Variants in GRM1 observed in about 807,000 individuals in gnomAD.
GRM1 encodes the protein metabotropic glutamate receptor 1.
In GRM1, 33 loss-of-function variants were observed where a neutral mutation model predicts 90.9. That is an observed-to-expected ratio of 0.36 (90% CI 0.28 to 0.49). GRM1 has a LOEUF of 0.49. GRM1 is among the 20% of genes least tolerant of loss of function. GRM1 has a pLI of 0.99. For missense variants in GRM1, 1,190 were observed against 1,534.3 expected, an observed-to-expected ratio of 0.78 and a Z score of 3.75; for synonymous variants, 700 against 613.2, an observed-to-expected ratio of 1.14 and a Z score of -2.09.
chr6:146,230,922 A>G (rs890598636), intron 2 of GRM1, among the ~76,000 whole-genome samples: 2 of 152,186 alleles, frequency 1.3e-5, no homozygotes, highest in African/African-American at 4.8e-5. Context: ...ACTACATACT[A>G]TATAATTCCA....
At chr6:146,336,532 G>T (rs115401794) in intron 3 of GRM1, among the ~76,000 whole-genome samples, 7 of 152,126 alleles carry the variant, frequency 4.6e-5, no homozygotes, top group South Asian at 2.1e-4. Flanking sequence ...TTTCCTGTTC[G>T]CCTGAGAGCA....
chr6:146,104,229 A>G (rs528620922), intron 1 of GRM1, among the ~76,000 whole-genome samples: 36 of 152,276 alleles, frequency 2.4e-4, no homozygotes, highest in Non-Finnish European at 3.5e-4. Flanking sequence ...TCACGAGGTC[A>G]GGAGATTGAG....
intron 2 of GRM1, among the ~76,000 whole-genome samples, chr6:146,243,414 T>G (rs1420182551): frequency 6.6e-6 from 1 of 152,130 alleles, no homozygotes; most frequent in Non-Finnish European, 1.5e-5. Flanking sequence ...TGGAATGTTC[T>G]TGTGTCTGCC....
Position 146,435,357 on chromosome 6 carries a change from T to C in GRM1, c.*561T>C. ...GCAGCTCCTTGCTCAGAAGCCCTTC[T>C]CCCCGCTGGGCTGACAGACTCCTCA... On this transcript the variant is annotated 3_prime_UTR_variant, in exon 8 of 8. Coordinates refer to ENST00000282753, the MANE Select transcript of GRM1 (RefSeq NM_001278064.2). 1 of 189,602 alleles carries C rather than the reference T, an allele frequency of 5.3e-6. No individual in the cohort carries two copies. The highest frequency in any genetic ancestry group is 1.1e-5 in the Non-Finnish European group (1 of 91,082). 11.7% of individuals were successfully genotyped at this position (189,602 alleles called of 1,614,324 possible).
intron 1 of GRM1, among the ~76,000 whole-genome samples, chr6:146,140,893 A>T (rs1047993406): frequency 1.3e-5 from 2 of 152,182 alleles, no homozygotes; most frequent in African/African-American, 2.4e-5. Flanking sequence ...TCTACCTAAG[A>T]TGTGAGTCGT....
intron 1 of GRM1, among the ~76,000 whole-genome samples, chr6:146,110,255 G>A (rs1010264170): frequency 1.3e-5 from 2 of 152,128 alleles, no homozygotes; most frequent in African/African-American, 4.8e-5. Flanking sequence ...GTCGTGGGAG[G>A]AACCTGGTGG....
At chr6:146,285,116 T>C (rs1321691833) in intron 2 of GRM1, among the ~76,000 whole-genome samples, 1 of 152,202 alleles carries the variant, frequency 6.6e-6, no homozygotes, top group East Asian at 1.9e-4. Context: ...TATTGGATTC[T>C]TGAATTTCCT....
At chr6:146,135,267 C>G (rs1378601375) in intron 1 of GRM1, among the ~76,000 whole-genome samples, 3 of 152,152 alleles carry the variant, frequency 2.0e-5, no homozygotes, top group African/African-American at 7.2e-5. Flanking sequence ...AATTTGAGCC[C>G]AGGACTCTCT....
At chr6:146,260,232 A>T (rs1376309356) in intron 2 of GRM1, among the ~76,000 whole-genome samples, 1 of 151,592 alleles carries the variant, frequency 6.6e-6, no homozygotes, top group Non-Finnish European at 1.5e-5. Context: ...ATTCCCACTT[A>T]TGAGTGAGAA....
chr6:146,200,449 C>T (rs1164571655), intron 2 of GRM1, among the ~76,000 whole-genome samples: 1 of 152,176 alleles, frequency 6.6e-6, no homozygotes, highest in Admixed American at 6.5e-5. Context: ...CGTATTCCCC[C>T]ATACATTTTT....
At chr6:146,205,052 T>C (rs544401201) in intron 2 of GRM1, among the ~76,000 whole-genome samples, 1 of 152,368 alleles carries the variant, frequency 6.6e-6, no homozygotes, top group South Asian at 2.1e-4. Flanking sequence ...AAATGTCCAA[T>C]GACTTCATTT....
intron 2 of GRM1, among the ~76,000 whole-genome samples, chr6:146,268,988 T>C (rs1006705444): frequency 4.6e-5 from 7 of 152,116 alleles, no homozygotes; most frequent in African/African-American, 1.7e-4. Context: ...CCAAGAACAT[T>C]GAATAGAAAA....
chr6:146,212,480 G>A (rs2114650032), intron 2 of GRM1, among the ~76,000 whole-genome samples: 1 of 152,242 alleles, frequency 6.6e-6, no homozygotes. Flanking sequence ...AAATCTCTGA[G>A]TTATCTAAAC....
intron 1 of GRM1, among the ~76,000 whole-genome samples, chr6:146,104,480 G>A (rs1777158879): frequency 6.6e-6 from 1 of 152,044 alleles, no homozygotes; most frequent in South Asian, 2.1e-4. Context: ...TGGTTGCCTA[G>A]TGACAATGTG....
chr6:146,319,968 C>A (rs146675252), intron 3 of GRM1, among the ~76,000 whole-genome samples: 396 of 152,272 alleles, frequency 2.6e-3, no homozygotes, highest in African/African-American at 8.8e-3. Flanking sequence ...CTTTCTCTTG[C>A]CTTATTGCCC....
At chr6:146,225,861 T>C (rs1401514424) in intron 2 of GRM1, among the ~76,000 whole-genome samples, 1 of 152,160 alleles carries the variant, frequency 6.6e-6, no homozygotes, top group African/African-American at 2.4e-5. Flanking sequence ...CCATGCAATA[T>C]ATTAGTATAA....
At chr6:146,378,910 T>G (rs1201636730) in intron 5 of GRM1, among the ~76,000 whole-genome samples, 1 of 152,172 alleles carries the variant, frequency 6.6e-6, no homozygotes, top group East Asian at 1.9e-4. Context: ...CCCTGCACAT[T>G]CTCTCTCTTG....
intron 3 of GRM1, among the ~76,000 whole-genome samples, chr6:146,321,051 T>C (rs1784169333): frequency 6.6e-6 from 1 of 152,206 alleles, no homozygotes; most frequent in South Asian, 2.1e-4. Context: ...CTAGTTCTTT[T>C]AATTGTGATG....
intron 1 of GRM1, among the ~76,000 whole-genome samples, chr6:146,050,977 T>G (rs1791503546): frequency 6.6e-6 from 1 of 152,064 alleles, no homozygotes; most frequent in Admixed American, 6.6e-5. Context: ...CCAGTGACTT[T>G]GGCTTACCAA....
Sources: allele counts gnomAD v4.1 joint callset (sites outside exome capture counted in the v4.1 genomes callset), GRCh38; gene constraint gnomAD v4.1.1; transcripts MANE v1.5; gene names NCBI Gene and HGNC (gene_info 2026-07-23, HGNC 2026-07-21).